The following GRK7 variants were observed in gnomAD, a reference collection of about 807,000 sequenced individuals.
The protein encoded by GRK7 is rhodopsin kinase GRK7.
A neutral mutation model predicts 34.1 loss-of-function variants in GRK7; 24 were observed. The observed-to-expected ratio is 0.70, with a 90% CI of 0.51 to 0.99. The LOEUF is 0.99. GRK7 is among the 50% of genes least tolerant of loss of function. The probability of loss-of-function intolerance (pLI) is 0.00; values close to 1 mark genes in which losing one functional copy is unlikely to be tolerated. For synonymous variants in GRK7, 256 were observed against 279.4 expected, an observed-to-expected ratio of 0.92 and a Z score of 0.84; for missense variants, 644 against 707.3, an observed-to-expected ratio of 0.91 and a Z score of 1.02.
intron 4 of GRK7, among the ~76,000 whole-genome samples, chr3:141,807,436 T>A (rs1297845731): frequency 9.9e-5 from 15 of 152,074 alleles, no homozygotes; most frequent in Admixed American, 9.8e-4. Context: ...CCAAAACGGG[T>A]CGCATGGCCT....
intron 5 of GRK7, among the ~76,000 whole-genome samples, chr3:141,813,893 G>A (rs557890194): frequency 3.9e-5 from 6 of 152,312 alleles, no homozygotes; most frequent in African/African-American, 1.4e-4. Flanking sequence ...TGTTGTACTG[G>A]TTGAATGTAA....
chr3:141,795,986 A>C (rs116401630), intron 4 of GRK7, among the ~76,000 whole-genome samples: 224 of 152,300 alleles, frequency 1.5e-3, no homozygotes, highest in African/African-American at 5.2e-3. Context: ...CAGGGACCTA[A>C]TGGTTGCCGT....
intron 4 of GRK7, among the ~76,000 whole-genome samples, chr3:141,791,570 G>A (rs2084724242): frequency 6.6e-6 from 1 of 152,132 alleles, no homozygotes; most frequent in Non-Finnish European, 1.5e-5. Context: ...ACTACCAAGG[G>A]CATTCAAAAA....
the GRK7 span, among the ~76,000 whole-genome samples, chr3:141,756,882 T>C: frequency 0.052 from 7,913 of 152,144 alleles, 709 homozygotes; most frequent in African/African-American, 0.18. Context: ...CTCCTTGGAG[T>C]TCATTAGAAG....
chr3:141,767,259 G>A (rs1055928614), intron 1 of GRK7, among the ~76,000 whole-genome samples: 7 of 152,158 alleles, frequency 4.6e-5, no homozygotes, highest in African/African-American at 9.7e-5. Context: ...CAGGCTTCCT[G>A]TTGATAAAAA....
chr3:141,762,801 C>T (rs528603247), upstream of GRK7, among the ~76,000 whole-genome samples: 17 of 152,222 alleles, frequency 1.1e-4, no homozygotes, highest in Non-Finnish European at 2.4e-4. Flanking sequence ...TAGGACCCTC[C>T]GAGCCAGGTG....
At chr3:141,781,928 T>A (rs549183641) in intron 4 of GRK7, among the ~76,000 whole-genome samples, 27 of 152,294 alleles carry the variant, frequency 1.8e-4, no homozygotes, top group African/African-American at 6.3e-4. Flanking sequence ...TCTTAAATGG[T>A]TACTTAAAAC....
intron 5 of GRK7, among the ~76,000 whole-genome samples, chr3:141,814,561 C>A (rs964984287): frequency 6.6e-6 from 1 of 152,154 alleles, no homozygotes; most frequent in African/African-American, 2.4e-5. Context: ...TGATTTCATT[C>A]CTTTTTATGG....
At chr3:141,781,477 T>C (rs2677425) in intron 4 of GRK7, among the ~76,000 whole-genome samples, 44,212 of 148,256 alleles carry the variant, frequency 0.3, 10,122 homozygotes, top group African/African-American at 0.65. Flanking sequence ...GCGGAAGTTG[T>C]AGTGAGCCGA....
chr3:141,755,346 AAATG>A, the GRK7 span, among the ~76,000 whole-genome samples: 2 of 152,178 alleles, frequency 1.3e-5, no homozygotes, highest in African/African-American at 4.8e-5. Flanking sequence ...CCACCTCTAA[AAATG>A]AATGAATGAA....
rs1038496871 is a variant in GRK7 at position 141,818,844 on chromosome 3, C to CT, written c.*1795dup. 2.6e-5 allele frequency among the ~76,000 whole-genome samples: 4 copies of CT among 152,178 alleles called. No individual in the cohort carries two copies. Among genetic ancestry groups the CT allele is most frequent in the African/African-American group, 9.7e-5 (4 of 41,448 alleles). On this transcript the variant is annotated 3_prime_UTR_variant, in exon 6 of 6. Transcript: ENST00000682958. ...AACTGGAATCTGAATAACAGTAATA[C>CT]TCATCTACAAGACAGCATTAACCAC...
chr3:141,774,231 G>A (rs934385172), intron 1 of GRK7, among the ~76,000 whole-genome samples: 3 of 152,066 alleles, frequency 2.0e-5, no homozygotes, highest in African/African-American at 7.2e-5. Context: ...CCAGGAGTTC[G>A]AGACCAGCCT....
Position 141,791,611 on chromosome 3 carries a change from A to C in GRK7, c.1050+10800A>C, listed in dbSNP as rs192860505. Among the ~76,000 whole-genome samples, 6 of 152,294 alleles carry C rather than the reference A, an allele frequency of 3.9e-5. No homozygotes were observed. The East Asian group carries it at 9.6e-4, about 24-fold the overall frequency. The stretch of plus-strand genomic sequence containing the variant: ...ATTACAGTCTGTAATTACTTTTAAC[A>C]TTCCTTCATCCAAAAGGCATGCCTT... On this transcript the variant is annotated intron_variant, in intron 4 of 5. Coordinates refer to ENST00000682958, the MANE Select transcript of GRK7 (RefSeq NM_139209.3).
In GRK7 at chr3:141,780,417, G is replaced by A; in HGVS notation, c.656G>A (p.Cys219Tyr). Residue 219 changes from cysteine to tyrosine, a missense_variant, in exon 4 of 6, where the codon TGT becomes TAT. Coordinates refer to ENST00000682958, the MANE Select transcript of GRK7 (RefSeq NM_139209.3). ...QVKNTGKMYA[C>Y]KKLDKKRLKK... ...AAAAACACTGGGAAGATGTATGCCT[G>A]TAAGAAACTGGACAAGAAGCGGCTG... 6 of 1,614,184 alleles carry A rather than the reference G, an allele frequency of 3.7e-6. No homozygotes were observed. The highest frequency in any genetic ancestry group is 5.1e-6 in the Non-Finnish European group (6 of 1,180,036).
intron 4 of GRK7, 58 bp downstream of exon 4, chr3:141,780,869 G>T: frequency 6.8e-7 from 1 of 1,470,658 alleles, no homozygotes; most frequent in South Asian, 1.3e-5. Context: ...GGAGGGGAGA[G>T]GGCTTTTCTA....
rs1426005067 is a variant in GRK7, at chr3:141,818,935, C to G, written c.*1885C>G. Among the ~76,000 whole-genome samples the G allele has an allele frequency of 6.6e-6, 1 of 152,242 alleles. No individual in the cohort carries two copies. The highest frequency in any genetic ancestry group is 1.5e-5 in the Non-Finnish European group (1 of 68,042). ...CCTCGGCCGGTGCACCTGCGGCTCACTTTCCCGCTCCTCCTCCATCCTCAG... is the reference window on the plus strand; with the variant it reads ...CCTCGGCCGGTGCACCTGCGGCTCAGTTTCCCGCTCCTCCTCCATCCTCAG... On this transcript the variant is annotated 3_prime_UTR_variant, in exon 6 of 6. Coordinates refer to ENST00000682958, the MANE Select transcript of GRK7 (RefSeq NM_139209.3).
At chr3:141,771,969 A>G (rs903683863) in intron 1 of GRK7, among the ~76,000 whole-genome samples, 2 of 152,002 alleles carry the variant, frequency 1.3e-5, no homozygotes, top group African/African-American at 2.4e-5. Context: ...TACAGGTGTG[A>G]GCCACTGCAC....
chr3:141,752,652 C>G, the GRK7 span, among the ~76,000 whole-genome samples: 2 of 152,156 alleles, frequency 1.3e-5, no homozygotes, highest in Non-Finnish European at 2.9e-5. Flanking sequence ...TGTATATTAA[C>G]TCACTTAATC....
chr3:141,769,281 C>A (rs559662254), intron 1 of GRK7, among the ~76,000 whole-genome samples: 7 of 152,264 alleles, frequency 4.6e-5, no homozygotes, highest in Admixed American at 2.0e-4. Context: ...CTACCTCACC[C>A]TCCATAATCA....
Sources: allele counts gnomAD v4.1 joint callset (sites outside exome capture counted in the v4.1 genomes callset), GRCh38; gene constraint gnomAD v4.1.1; transcripts MANE v1.5; gene names NCBI Gene and HGNC (gene_info 2026-07-23, HGNC 2026-07-21).